Variants in CCSER1 observed in about 807,000 individuals in gnomAD.
The protein encoded by CCSER1 is coiled-coil serine rich protein 1.
Under a neutral mutation model 82.0 loss-of-function variants are expected in CCSER1, and 41 were observed. That is an observed-to-expected ratio of 0.50 (90% CI 0.39 to 0.65). The LOEUF is 0.65. Ranked by LOEUF, CCSER1 falls within the 30% of genes least tolerant of loss-of-function variation. The pLI is 0.00. For synonymous variants in CCSER1, 414 were observed against 383.9 expected (o/e 1.08, Z -0.92); for missense variants, 1,119 against 1,064.2 (o/e 1.05, Z -0.72).
intron 10 of CCSER1, among the ~76,000 whole-genome samples, chr4:91,401,967 A>T (rs1299592122): frequency 6.6e-6 from 1 of 152,214 alleles, no homozygotes; most frequent in Non-Finnish European, 1.5e-5. Context: ...TCCTTGAGGA[A>T]TTTCCACACT....
At chr4:91,494,871 T>A (rs1160710766) in intron 10 of CCSER1, among the ~76,000 whole-genome samples, 1 of 151,710 alleles carries the variant, frequency 6.6e-6, no homozygotes, top group African/African-American at 2.4e-5. Context: ...TAAAATGTCA[T>A]TAATTTTATT....
At chr4:90,587,497 C>T (rs1172355522) in intron 5 of CCSER1, among the ~76,000 whole-genome samples, 2 of 152,130 alleles carry the variant, frequency 1.3e-5, no homozygotes, top group African/African-American at 4.8e-5. Context: ...GTAGTCCCAG[C>T]TACTTGGGAG....
chr4:90,682,697 A>C (rs1023043776), intron 6 of CCSER1, among the ~76,000 whole-genome samples: 2 of 152,194 alleles, frequency 1.3e-5, no homozygotes, highest in African/African-American at 4.8e-5. Flanking sequence ...CTTGTTGTGC[A>C]CTAATAATAT....
intron 10 of CCSER1, among the ~76,000 whole-genome samples, chr4:91,586,538 G>A (rs932007013): frequency 2.0e-5 from 3 of 151,638 alleles, no homozygotes; most frequent in Non-Finnish European, 3.0e-5. Context: ...AAATGAAAGT[G>A]CTGAACTCCA....
chr4:90,672,242 ATC>A (rs2149154972), intron 6 of CCSER1, among the ~76,000 whole-genome samples: 1 of 152,042 alleles, frequency 6.6e-6, no homozygotes, highest in East Asian at 1.9e-4. Context: ...CCTCCAGAAA[ATC>A]TGTTATTTAG....
At chr4:90,742,044 G>A (rs1431444696) in intron 7 of CCSER1, among the ~76,000 whole-genome samples, 2 of 152,126 alleles carry the variant, frequency 1.3e-5, no homozygotes, top group South Asian at 2.1e-4. Context: ...TGGCATAAGG[G>A]TGAAGGGGAA....
intron 10 of CCSER1, among the ~76,000 whole-genome samples, chr4:91,146,668 G>A (rs1435316377): frequency 6.6e-6 from 1 of 151,152 alleles, no homozygotes; most frequent in Non-Finnish European, 1.5e-5. Context: ...GGTGTATGTT[G>A]TTTATAGTCA....
chr4:90,863,459 C>T (rs1373573879), intron 8 of CCSER1, among the ~76,000 whole-genome samples: 1 of 151,906 alleles, frequency 6.6e-6, no homozygotes, highest in Non-Finnish European at 1.5e-5. Context: ...TATCACATCT[C>T]ACTAACTCCT....
At chr4:90,929,153 A>G (rs568527586) in intron 9 of CCSER1, among the ~76,000 whole-genome samples, 2 of 152,236 alleles carry the variant, frequency 1.3e-5, no homozygotes, top group African/African-American at 4.8e-5. Context: ...ACCTCATTGT[A>G]TATCAGCGTA....
intron 10 of CCSER1, among the ~76,000 whole-genome samples, chr4:91,315,427 G>A (rs768880559): frequency 1.3e-5 from 2 of 151,846 alleles, no homozygotes; most frequent in African/African-American, 2.4e-5. Flanking sequence ...CAAACCCAGC[G>A]CCTGGCCATA....
chr4:90,810,553 G>A (rs1758121720), intron 7 of CCSER1, among the ~76,000 whole-genome samples: 1 of 151,898 alleles, frequency 6.6e-6, no homozygotes, highest in Non-Finnish European at 1.5e-5. Context: ...GGAGGCTGAG[G>A]CAGGAGAATT....
At chr4:91,181,761 A>AT (rs1366856976) in intron 10 of CCSER1, among the ~76,000 whole-genome samples, 1 of 152,122 alleles carries the variant, frequency 6.6e-6, no homozygotes, top group African/African-American at 2.4e-5. Context: ...AAGTACGTTC[A>AT]TTTTTTCTAA....
intron 10 of CCSER1, among the ~76,000 whole-genome samples, chr4:91,443,525 G>T (rs1489145746): frequency 8.8e-6 from 1 of 114,262 alleles, no homozygotes. Context: ...GGAGGGGGAG[G>T]GATAGCATTA....
At chr4:90,837,549 A>C (rs1429015402) in intron 8 of CCSER1, among the ~76,000 whole-genome samples, 1 of 152,190 alleles carries the variant, frequency 6.6e-6, no homozygotes, top group Non-Finnish European at 1.5e-5. Flanking sequence ...ATGTTTTTGA[A>C]GTACTTAGTA....
chr4:90,855,259 C>T (rs1232047342), intron 8 of CCSER1, among the ~76,000 whole-genome samples: 2 of 152,046 alleles, frequency 1.3e-5, no homozygotes, highest in African/African-American at 4.8e-5. Context: ...TCTCATACCA[C>T]CACTTTGCTT....
At chr4:91,346,307 G>A (rs1006752078) in intron 10 of CCSER1, among the ~76,000 whole-genome samples, 7 of 152,098 alleles carry the variant, frequency 4.6e-5, no homozygotes, top group South Asian at 2.1e-4. Context: ...GAGCCACGGC[G>A]CCTGGTCTTA....
intron 9 of CCSER1, among the ~76,000 whole-genome samples, chr4:91,071,646 T>C (rs1197987325): frequency 1.3e-5 from 2 of 152,138 alleles, no homozygotes; most frequent in Non-Finnish European, 2.9e-5. Context: ...CCTATTTGAG[T>C]GCATTCTCTC....
At chr4:91,086,023 A>C in intron 10 of CCSER1, 29 bp downstream of exon 10, 10 of 1,329,326 alleles carry the variant, frequency 7.5e-6, no homozygotes, top group Non-Finnish European at 1.1e-5. Flanking sequence ...GAGGGGTGGG[A>C]AAAAGAGGAA....
intron 9 of CCSER1, among the ~76,000 whole-genome samples, chr4:91,058,613 G>T (rs563970196): frequency 4.6e-5 from 7 of 151,764 alleles, no homozygotes; most frequent in Non-Finnish European, 8.8e-5. Flanking sequence ...TCATCCTCAG[G>T]AGTCTTATCC....
Sources: gnomAD v4.1 joint callset for allele counts (sites outside exome capture counted in the v4.1 genomes callset) on GRCh38, gnomAD v4.1.1 for gene constraint, MANE v1.5 for transcripts, NCBI Gene and HGNC (gene_info 2026-07-23, HGNC 2026-07-21) for gene names.